Variants in CNGB1 observed in about 807,000 individuals in gnomAD.
The protein encoded by CNGB1 is cyclic nucleotide gated channel subunit beta 1.
CNGB1 carries 126 observed loss-of-function variants against 151.7 expected under a neutral mutation model. That is an observed-to-expected ratio of 0.83 (90% CI 0.72 to 0.96). The LOEUF is 0.96. CNGB1 is among the 40% of genes least tolerant of loss of function. The pLI is 0.00. For missense variants in CNGB1, 1,698 were observed against 1,627.0 expected (o/e 1.04, Z -0.75); for synonymous variants, 623 against 635.1 (o/e 0.98, Z 0.29).
intron 31 of CNGB1, among the ~76,000 whole-genome samples, chr16:57,890,657 G>C (rs1960062728): frequency 2.0e-5 from 3 of 152,172 alleles, no homozygotes; most frequent in South Asian, 4.1e-4. Context: ...CTCTTTTTTG[G>C]AGTGGTCAAG....
chr16:57,900,737 C>G (rs1471681267), intron 29 of CNGB1, among the ~76,000 whole-genome samples: 1 of 152,076 alleles, frequency 6.6e-6, no homozygotes, highest in Non-Finnish European at 1.5e-5. Flanking sequence ...CTGCCTCTTG[C>G]CATTTGGGAA....
At chr16:57,905,186 A>G (rs1290031289) in intron 25 of CNGB1, among the ~76,000 whole-genome samples, 1 of 152,230 alleles carries the variant, frequency 6.6e-6, no homozygotes, top group African/African-American at 2.4e-5. Context: ...AGGGTCTTCC[A>G]ACTCCTAATG....
Position 57,964,563 on chromosome 16 carries a change from A to G in CNGB1, c.160-19T>C. 3.1e-6 allele frequency: 5 copies of G among 1,613,958 alleles called. No homozygotes were observed. The highest frequency in any genetic ancestry group is 3.4e-6 in the Non-Finnish European group (4 of 1,179,928). ...CGGGGGGCTAGAGGGTTCGAACAGG[A>G]TCATGTAAGTCCTAGGTGAGACCAG... On this transcript the variant is annotated intron_variant, in intron 2 of 32. Coordinates refer to ENST00000251102, the MANE Select transcript of CNGB1 (RefSeq NM_001297.5).
intron 10 of CNGB1, among the ~76,000 whole-genome samples, chr16:57,958,824 T>C (rs1177155444): frequency 6.6e-6 from 1 of 151,994 alleles, no homozygotes; most frequent in African/African-American, 2.4e-5. Flanking sequence ...CCCATCTTTC[T>C]TTCTTGACTT....
chr16:57,902,498 G>A (rs1362262217), intron 27 of CNGB1, among the ~76,000 whole-genome samples: 1 of 152,004 alleles, frequency 6.6e-6, no homozygotes, highest in Non-Finnish European at 1.5e-5. Context: ...TAGAGACAAG[G>A]TCTCACTATG....
chr16:57,890,533 G>C (rs2149352861), intron 31 of CNGB1, among the ~76,000 whole-genome samples: 1 of 152,336 alleles, frequency 6.6e-6, no homozygotes, highest in South Asian at 2.1e-4. Context: ...GCTAGCTTCT[G>C]GGGCATTTCC....
intron 17 of CNGB1, among the ~76,000 whole-genome samples, chr16:57,930,342 A>T (rs981329010): frequency 1.4e-4 from 22 of 152,014 alleles, no homozygotes; most frequent in Non-Finnish European, 3.2e-4. Context: ...TACAAAAAAT[A>T]AAAAATTAGC....
intron 26 of CNGB1, among the ~76,000 whole-genome samples, 170 bp downstream of exon 26, chr16:57,904,564 C>G (rs768039686): frequency 6.6e-6 from 1 of 152,134 alleles, no homozygotes; most frequent in Non-Finnish European, 1.5e-5. Context: ...AGTTCACCAC[C>G]ACCCCCTTCA....
At chr16:57,918,992 T>G in intron 20 of CNGB1, 107 bp downstream of exon 20, 2 of 1,569,102 alleles carry the variant, frequency 1.3e-6, no homozygotes, top group Non-Finnish European at 1.7e-6. Context: ...AGGTTGTCTG[T>G]GGCCTCCCAT....
chr16:57,962,825 C>G lies in CNGB1; in HGVS notation c.412+17G>C, dbSNP rs374522750. On this transcript the variant is annotated intron_variant, in intron 6 of 32. Transcript: ENST00000251102. ...TCAGCCCTGCTGCTGAAAAGCCATCCTGCCCCTTGTTCTTACCTGTGTCCC... is the reference window on the plus strand; with the variant it reads ...TCAGCCCTGCTGCTGAAAAGCCATCGTGCCCCTTGTTCTTACCTGTGTCCC... 3 of 1,612,760 alleles carry G rather than the reference C, an allele frequency of 1.9e-6. No individual in the cohort carries two copies. The highest frequency in any genetic ancestry group is 3.3e-5 in the Admixed American group (2 of 60,028).
At chr16:57,925,598 G>A (rs765544712) in intron 17 of CNGB1, among the ~76,000 whole-genome samples, 18 of 152,200 alleles carry the variant, frequency 1.2e-4, no homozygotes, top group Admixed American at 1.3e-4. Context: ...CCTTGCTTCG[G>A]TCTTTAGCTG....
chr16:57,968,625 T>G (rs1283599002), intron 1 of CNGB1, among the ~76,000 whole-genome samples: 1 of 152,164 alleles, frequency 6.6e-6, no homozygotes, highest in Non-Finnish European at 1.5e-5. Context: ...GTAATATGCA[T>G]GTACTACATA....
At chr16:57,921,508 C>A (rs897404249) in intron 18 of CNGB1, among the ~76,000 whole-genome samples, 3 of 152,156 alleles carry the variant, frequency 2.0e-5, no homozygotes, top group Non-Finnish European at 4.4e-5. Context: ...AGGCGTGAGA[C>A]ACCGTGCCCG....
At chr16:57,962,198 G>C (rs1325934715) in intron 7 of CNGB1, among the ~76,000 whole-genome samples, 2 of 152,246 alleles carry the variant, frequency 1.3e-5, no homozygotes, top group East Asian at 3.9e-4. Context: ...CAGACACTGA[G>C]GCCAGCCCAG....
intron 17 of CNGB1, among the ~76,000 whole-genome samples, chr16:57,927,819 C>T (rs1471365036): frequency 2.0e-5 from 3 of 152,224 alleles, no homozygotes; most frequent in African/African-American, 7.2e-5. Context: ...GAGATGTCTA[C>T]AAGTGGAGCC....
chr16:57,942,694 A>C (rs1370150009), intron 14 of CNGB1, among the ~76,000 whole-genome samples: 1 of 151,854 alleles, frequency 6.6e-6, no homozygotes, highest in East Asian at 1.9e-4. Flanking sequence ...GCAAAATCCC[A>C]ACTCTATAAG....
intron 22 of CNGB1, 97 bp from the exon 23 acceptor site, chr16:57,915,432 G>T (rs2149363758): frequency 2.1e-6 from 2 of 970,698 alleles, no homozygotes; most frequent in South Asian, 1.4e-5. Flanking sequence ...CCATGGAAAG[G>T]TGAGGTCAGA....
At chr16:57,889,655 G>A (rs1960032411) in intron 31 of CNGB1, among the ~76,000 whole-genome samples, 1 of 152,162 alleles carries the variant, frequency 6.6e-6, no homozygotes, top group African/African-American at 2.4e-5. Flanking sequence ...TCTCATTTAA[G>A]TCTCACAACA....
chr16:57,922,358 G>A (rs1356710777), intron 18 of CNGB1, among the ~76,000 whole-genome samples: 1 of 151,946 alleles, frequency 6.6e-6, no homozygotes, highest in Non-Finnish European at 1.5e-5. Flanking sequence ...CCAGCCCTGG[G>A]GACAGTTCGA....
Sources: gnomAD v4.1 joint callset for allele counts (sites outside exome capture counted in the v4.1 genomes callset) on GRCh38, gnomAD v4.1.1 for gene constraint, MANE v1.5 for transcripts, NCBI Gene and HGNC (gene_info 2026-07-23, HGNC 2026-07-21) for gene names.